The following HSD17B13 variants were observed in gnomAD, a reference collection of about 807,000 sequenced individuals.
HSD17B13 encodes 17-beta-hydroxysteroid dehydrogenase 13.
HSD17B13 carries 26 observed loss-of-function variants against 31.1 expected under a neutral mutation model. The ratio of observed to expected loss-of-function variants is 0.84; its 90% CI spans 0.61 to 1.16. The LOEUF (loss-of-function observed/expected upper bound fraction) is 1.16, where lower values mean the gene tolerates loss of function less well. HSD17B13 is among the 50% of genes most tolerant of loss of function. The probability of loss-of-function intolerance (pLI) is 0.00; values close to 1 mark genes in which losing one functional copy is unlikely to be tolerated. For synonymous variants in HSD17B13, 141 were observed against 133.7 expected (o/e 1.05, Z -0.38); for missense variants, 374 against 366.5 (o/e 1.02, Z -0.17).
chr4:87,310,118 T>G, intron 6 of HSD17B13, 125 bp downstream of exon 6: 1 of 1,231,950 alleles, frequency 8.1e-7, no homozygotes. Context: ...TGAGCCAAGA[T>G]CATGCCACTG....
At chr4:87,312,936 T>G (rs1469919902) in intron 5 of HSD17B13, among the ~76,000 whole-genome samples, 1 of 151,080 alleles carries the variant, frequency 6.6e-6, no homozygotes, top group African/African-American at 2.4e-5. Context: ...GGTGGGCGCC[T>G]GTAATCCAAA....
Position 87,318,438 on chromosome 4 carries a change from T to A in HSD17B13, c.211-2A>T. The A allele has an allele frequency of 1.2e-6, 2 of 1,611,322 alleles. No individual in the cohort carries two copies. Among genetic ancestry groups the A allele is most frequent in the Non-Finnish European group, 1.7e-6 (2 of 1,177,464 alleles). On this transcript the variant is annotated splice_acceptor_variant, in intron 1 of 6. Coordinates refer to ENST00000328546, the MANE Select transcript of HSD17B13 (RefSeq NM_178135.5). LOFTEE classifies it high-confidence loss of function. Reference sequence around the variant, plus strand: ...AGCTGCAGTTTCCTCCACACCGCGCTGTAATTAGGAAGAAACAAATTCCGA... The same window carrying A: ...AGCTGCAGTTTCCTCCACACCGCGCAGTAATTAGGAAGAAACAAATTCCGA...
intron 6 of HSD17B13, among the ~76,000 whole-genome samples, chr4:87,309,081 C>T (rs879302954): frequency 3.3e-5 from 5 of 152,016 alleles, no homozygotes; most frequent in Non-Finnish European, 5.9e-5. Flanking sequence ...CTTGCATTAG[C>T]GTCAAAAACC....
chr4:87,317,293 C>A, intron 2 of HSD17B13, 70 bp from the exon 3 acceptor site: 3 of 1,490,316 alleles, frequency 2.0e-6, no homozygotes, highest in Non-Finnish European at 2.8e-6. Flanking sequence ...CCAATATAAT[C>A]CAAAGATGAG....
At position 87,322,629 on chromosome 4, in the gene HSD17B13, T is replaced by C; in HGVS notation, c.210+3A>G. ...TTAAAAAGTTGGAAGATGTATACAT[T>C]ACCTTATTAATATCCCACAGAACCA... On this transcript the variant is annotated splice_donor_region_variant and intron_variant, in intron 1 of 6. Transcript: ENST00000328546. 4 of 1,596,094 alleles carry C rather than the reference T, an allele frequency of 2.5e-6. No individual in the cohort carries two copies. Among genetic ancestry groups the C allele is most frequent in the Non-Finnish European group, 3.4e-6 (4 of 1,163,522 alleles).
chr4:87,314,641 T>TCTCA (rs373166006), intron 4 of HSD17B13, among the ~76,000 whole-genome samples: 1,895 of 142,188 alleles, frequency 0.013, 31 homozygotes, highest in East Asian at 0.051. Context: ...TCTCTCTCTC[T>TCTCA]CACACACACA....
At position 87,318,403 on chromosome 4, in the gene HSD17B13, T is replaced by G. The variant is rs1734705972; in HGVS notation, c.244A>C (p.Lys82Gln). The change falls in exon 2 of 7, where the codon AAA (lysine) becomes CAA (glutamine). Residue 82 changes from lysine to glutamine, a missense_variant. Transcript: ENST00000328546. ...TACGCATGCGCAGTGACGCCTAGTTTTCGGCACTCAGCTGCAGTTTCCTCC... is the reference window on the plus strand; with the variant it reads ...TACGCATGCGCAGTGACGCCTAGTTGTCGGCACTCAGCTGCAGTTTCCTCC... Reference protein sequence around the residue: ...GVEETAAECRKLGVTAHAYVV... With the variant: ...GVEETAAECRQLGVTAHAYVV... 1 of 1,614,094 alleles carries G rather than the reference T, an allele frequency of 6.2e-7. No individual in the cohort carries two copies. Among genetic ancestry groups the G allele is most frequent in the Admixed American group, 1.7e-5 (1 of 60,008 alleles).
chr4:87,322,470 C>T (rs535209301), intron 1 of HSD17B13, among the ~76,000 whole-genome samples, 162 bp downstream of exon 1: 23 of 152,250 alleles, frequency 1.5e-4, no homozygotes, highest in Non-Finnish European at 2.5e-4. Context: ...AATTACATTC[C>T]CTTCATCTAA....
chr4:87,317,282 A>C, intron 2 of HSD17B13, 59 bp from the exon 3 acceptor site: 1 of 1,558,086 alleles, frequency 6.4e-7, no homozygotes, highest in African/African-American at 1.4e-5. Flanking sequence ...AAGTTTTGGG[A>C]CCAATATAAT....
intron 5 of HSD17B13, among the ~76,000 whole-genome samples, chr4:87,312,593 G>A (rs28373057): frequency 0.41 from 54,153 of 132,672 alleles, 10,984 homozygotes; most frequent in South Asian, 0.49. Context: ...GCAGTGGCGC[G>A]ATCTCGGCTC....
At chr4:87,309,744 A>T (rs1734484110) in intron 6 of HSD17B13, among the ~76,000 whole-genome samples, 1 of 152,210 alleles carries the variant, frequency 6.6e-6, no homozygotes, top group African/African-American at 2.4e-5. Flanking sequence ...TAGATTTGGT[A>T]GAGAAAATGA....
chr4:87,304,905 T>C lies in HSD17B13; in HGVS notation c.*313A>G, dbSNP rs938036119. 1 of 193,786 alleles carries C rather than the reference T, an allele frequency of 5.2e-6. No individual in the cohort carries two copies. The highest frequency in any genetic ancestry group is 1.3e-4 in the East Asian group (1 of 7,872). The allele number at this position is 193,786 out of a possible 1,614,324, so 12.0% of individuals were successfully genotyped here. A position where few individuals can be genotyped will look rare whatever the true frequency, so the allele number is the denominator to read the frequency against. ...AATAAGTTCTCTTTGTATTTACTTT[T>C]AGGGAGGTAGCTTTTGTCCACCTTT... On this transcript the variant is annotated 3_prime_UTR_variant, in exon 7 of 7. Coordinates refer to ENST00000328546, the MANE Select transcript of HSD17B13 (RefSeq NM_178135.5).
intron 1 of HSD17B13, among the ~76,000 whole-genome samples, chr4:87,321,182 C>G (rs1292468647): frequency 1.3e-5 from 2 of 151,948 alleles, no homozygotes; most frequent in Non-Finnish European, 2.9e-5. Context: ...GGTGTGCACC[C>G]CCGCACCCAG....
chr4:87,321,434 A>G (rs1391110903), intron 1 of HSD17B13, among the ~76,000 whole-genome samples: 1 of 152,230 alleles, frequency 6.6e-6, no homozygotes, highest in African/African-American at 2.4e-5. Flanking sequence ...TTCCCCAAAA[A>G]TACACATCTG....
At chr4:87,321,732 T>C (rs1734791931) in intron 1 of HSD17B13, among the ~76,000 whole-genome samples, 1 of 152,172 alleles carries the variant, frequency 6.6e-6, no homozygotes, top group South Asian at 2.1e-4. Context: ...AGAAAAGAAT[T>C]AGTTCTCTAA....
At chr4:87,318,467 A>T (rs754185524) in intron 1 of HSD17B13, 31 bp from the exon 2 acceptor site, 1 of 1,585,040 alleles carries the variant, frequency 6.3e-7, no homozygotes, top group Admixed American at 1.7e-5. Flanking sequence ...ATTCCGAAAA[A>T]AGTGGAGGAG....
At chr4:87,309,809 C>T (rs1354025813) in intron 6 of HSD17B13, among the ~76,000 whole-genome samples, 2 of 152,122 alleles carry the variant, frequency 1.3e-5, no homozygotes, top group Non-Finnish European at 2.9e-5. Flanking sequence ...TAACTGTTCT[C>T]CCCAGGGATG....
At chr4:87,312,509 C>A (rs1031525268) in intron 5 of HSD17B13, among the ~76,000 whole-genome samples, 1 of 146,212 alleles carries the variant, frequency 6.8e-6, no homozygotes, top group East Asian at 2.1e-4. Flanking sequence ...AAAATTAACA[C>A]CTTTAATTCT....
chr4:87,310,187 C>G lies in HSD17B13; in HGVS notation c.812+56G>C, dbSNP rs74802974. 873 of 1,367,834 alleles carry G rather than the reference C, an allele frequency of 6.4e-4. 1 individual carries two copies. Among genetic ancestry groups the G allele is most frequent in the South Asian group, 2.3e-3 (146 of 62,490 alleles). 84.7% of individuals were successfully genotyped at this position (1,367,834 alleles called of 1,614,324 possible). On this transcript the variant is annotated intron_variant, in intron 6 of 6. Coordinates refer to ENST00000328546, the MANE Select transcript of HSD17B13 (RefSeq NM_178135.5). ...AGACTCTGTCTAAAAAAAAAAAAAG[C>G]AAAAAAAAAAGCTCTATTGGTGTTT...
Sources: gnomAD v4.1 joint callset for allele counts (sites outside exome capture counted in the v4.1 genomes callset) on GRCh38, gnomAD v4.1.1 for gene constraint, MANE v1.5 for transcripts, NCBI Gene and HGNC (gene_info 2026-07-23, HGNC 2026-07-21) for gene names.